PTPRM: variants seen among roughly 807,000 people sequenced by gnomAD.
PTPRM encodes protein tyrosine phosphatase receptor type M.
In PTPRM, 47 loss-of-function variants were observed where a neutral mutation model predicts 186.7. That is an observed-to-expected ratio of 0.25 (90% CI 0.20 to 0.32). PTPRM has a LOEUF of 0.32. Among genes scored for constraint, PTPRM ranks in the 10% least tolerant of loss-of-function variants. The pLI, the probability that PTPRM is intolerant of heterozygous loss-of-function variation, is 1.00. For missense variants in PTPRM, 1,494 were observed against 1,865.0 expected (o/e 0.80, Z 3.66); for synonymous variants, 668 against 674.9 (o/e 0.99, Z 0.16).
intron 5 of PTPRM, among the ~76,000 whole-genome samples, chr18:7,938,530 C>T (rs1409254449): frequency 2.6e-5 from 4 of 152,080 alleles, no homozygotes; most frequent in African/African-American, 9.7e-5. Context: ...TGTTGGGCTC[C>T]TTAGTTTGAT....
chr18:7,949,426 C>T, intron 6 of PTPRM, 71 bp downstream of exon 6: 2 of 1,319,276 alleles, frequency 1.5e-6, no homozygotes, highest in Non-Finnish European at 2.1e-6. Flanking sequence ...GTTCATTATC[C>T]CTTTAAAGCT....
intron 7 of PTPRM, among the ~76,000 whole-genome samples, chr18:8,037,969 C>T (rs1380804636): frequency 6.6e-6 from 1 of 152,138 alleles, no homozygotes; most frequent in Non-Finnish European, 1.5e-5. Flanking sequence ...TCTACTTTTG[C>T]AGTTCTTATG....
intron 7 of PTPRM, among the ~76,000 whole-genome samples, chr18:7,994,988 A>T (rs1407156409): frequency 6.6e-6 from 1 of 152,142 alleles, no homozygotes; most frequent in East Asian, 1.9e-4. Context: ...ACTAAATGAA[A>T]TGGAGACAAA....
At chr18:7,863,833 C>G (rs938038813) in intron 2 of PTPRM, among the ~76,000 whole-genome samples, 1 of 152,174 alleles carries the variant, frequency 6.6e-6, no homozygotes, top group African/African-American at 2.4e-5. Flanking sequence ...AAAAGCATTC[C>G]TATTTCTCCA....
intron 7 of PTPRM, among the ~76,000 whole-genome samples, chr18:8,057,475 T>G (rs999251174): frequency 1.4e-5 from 2 of 145,958 alleles, no homozygotes; most frequent in Non-Finnish European, 3.0e-5. Flanking sequence ...TATTATACTT[T>G]AAGTTTTAGG....
At chr18:8,344,965 G>A (rs1426195333) in intron 23 of PTPRM, among the ~76,000 whole-genome samples, 3 of 152,116 alleles carry the variant, frequency 2.0e-5, no homozygotes. Flanking sequence ...CCAGGGAATT[G>A]GCAAGGAAGT....
At chr18:7,761,395 G>A (rs1568091534) in intron 1 of PTPRM, among the ~76,000 whole-genome samples, 1 of 152,226 alleles carries the variant, frequency 6.6e-6, no homozygotes, top group South Asian at 2.1e-4. Context: ...AAACAAAAGC[G>A]GCAGACACAC....
At chr18:7,914,693 T>G (rs1328271164) in intron 4 of PTPRM, among the ~76,000 whole-genome samples, 1 of 152,158 alleles carries the variant, frequency 6.6e-6, no homozygotes, top group African/African-American at 2.4e-5. Context: ...TCTAAATAGC[T>G]AAAATGATTG....
chr18:7,639,442 G>A (rs1432775124), intron 1 of PTPRM, among the ~76,000 whole-genome samples: 2 of 150,102 alleles, frequency 1.3e-5, no homozygotes, highest in East Asian at 2.0e-4. Context: ...GCTGGAGTGC[G>A]ATGGCGTGAT....
chr18:7,719,412 A>T (rs967367393), intron 1 of PTPRM, among the ~76,000 whole-genome samples: 7 of 152,244 alleles, frequency 4.6e-5, no homozygotes, highest in African/African-American at 1.7e-4. Context: ...TGGGTGATAA[A>T]AGATGACATA....
chr18:7,939,808 A>AT (rs1456311798), intron 5 of PTPRM, among the ~76,000 whole-genome samples: 2 of 152,094 alleles, frequency 1.3e-5, no homozygotes, highest in African/African-American at 4.8e-5. Context: ...ATCCTTCATC[A>AT]TTTTTTATGG....
At chr18:8,358,846 T>A (rs949885157) in intron 23 of PTPRM, among the ~76,000 whole-genome samples, 3 of 152,216 alleles carry the variant, frequency 2.0e-5, no homozygotes, top group Non-Finnish European at 4.4e-5. Context: ...ACATGTAAGC[T>A]GCTGCAAAAT....
intron 1 of PTPRM, among the ~76,000 whole-genome samples, chr18:7,729,475 T>C (rs929853624): frequency 1.3e-5 from 2 of 152,028 alleles, no homozygotes; most frequent in African/African-American, 2.4e-5. Context: ...AATTTTCTGC[T>C]ACAGACAGAA....
At chr18:8,035,497 A>G (rs1175159989) in intron 7 of PTPRM, among the ~76,000 whole-genome samples, 1 of 152,150 alleles carries the variant, frequency 6.6e-6, no homozygotes, top group Non-Finnish European at 1.5e-5. Context: ...TCTAGATTGT[A>G]TATATTACCC....
intron 14 of PTPRM, among the ~76,000 whole-genome samples, chr18:8,241,111 T>G (rs1352166993): frequency 1.3e-5 from 2 of 152,164 alleles, no homozygotes; most frequent in African/African-American, 2.4e-5. Context: ...GCGGATCACC[T>G]GAGGTCAGGA....
intron 1 of PTPRM, among the ~76,000 whole-genome samples, chr18:7,641,769 A>C (rs1005797018): frequency 6.6e-6 from 1 of 152,248 alleles, no homozygotes; most frequent in African/African-American, 2.4e-5. Context: ...TAGGTGAAAC[A>C]TTTATTGTAT....
intron 14 of PTPRM, among the ~76,000 whole-genome samples, chr18:8,235,538 A>T (rs1374608910): frequency 8.6e-6 from 1 of 116,640 alleles, no homozygotes; most frequent in Non-Finnish European, 1.8e-5. Context: ...TAGTTTTGTT[A>T]ATTTTTTTCT....
At chr18:8,155,844 G>A (rs1170965734) in intron 14 of PTPRM, among the ~76,000 whole-genome samples, 1 of 152,174 alleles carries the variant, frequency 6.6e-6, no homozygotes, top group African/African-American at 2.4e-5. Flanking sequence ...AAATAGCTTA[G>A]GTCTGGATGC....
intron 14 of PTPRM, among the ~76,000 whole-genome samples, chr18:8,241,320 CAA>C (rs1568586398): frequency 3.3e-5 from 5 of 151,832 alleles, no homozygotes; most frequent in Admixed American, 2.6e-4. Context: ...CCTGGGATGA[CAA>C]AATGAGACTC....
Sources: gnomAD v4.1 joint callset for allele counts (sites outside exome capture counted in the v4.1 genomes callset) on GRCh38, gnomAD v4.1.1 for gene constraint, MANE v1.5 for transcripts, NCBI Gene and HGNC (gene_info 2026-07-23, HGNC 2026-07-21) for gene names.